PMFBP1: variants seen among roughly 807,000 people sequenced by gnomAD.
The protein encoded by PMFBP1 is polyamine modulated factor 1 binding protein 1.
PMFBP1 carries 131 observed loss-of-function variants against 137.8 expected under a neutral mutation model. That is an observed-to-expected ratio of 0.95 (90% CI 0.82 to 1.10). The LOEUF is 1.10. Among genes scored for constraint, PMFBP1 ranks in the 50% least tolerant of loss-of-function variants. The pLI, the probability that PMFBP1 is intolerant of heterozygous loss-of-function variation, is 0.00. For missense variants in PMFBP1, 1,199 were observed against 1,175.4 expected (o/e 1.02, Z -0.29); for synonymous variants, 490 against 450.4 (o/e 1.09, Z -1.11).
At chr16:72,177,122 CT>C (rs1162609021), upstream of PMFBP1, among the ~76,000 whole-genome samples, 1 of 152,194 alleles carries the variant, frequency 6.6e-6, no homozygotes, top group Non-Finnish European at 1.5e-5. Context: ...CACAGTCCAC[CT>C]AATCTTTGTT....
chr16:72,204,745 A>C, the PMFBP1 span, among the ~76,000 whole-genome samples: 1 of 152,104 alleles, frequency 6.6e-6, no homozygotes, highest in Non-Finnish European at 1.5e-5. Context: ...GGCCCTTCAA[A>C]GAACTCATGC....
At chr16:72,164,946 T>C in intron 2 of PMFBP1, 30 bp from the exon 3 acceptor site, 5 of 1,553,392 alleles carry the variant, frequency 3.2e-6, no homozygotes, top group Non-Finnish European at 4.4e-6. Context: ...AAAGCATCAA[T>C]TATAAACTAT....
At chr16:72,148,257 A>G (rs892277827) in intron 5 of PMFBP1, among the ~76,000 whole-genome samples, 3 of 152,118 alleles carry the variant, frequency 2.0e-5, no homozygotes, top group Admixed American at 1.3e-4. Context: ...ATTCTCAGCA[A>G]AGTAACACAA....
At chr16:72,159,688 C>G (rs2043032839) in intron 3 of PMFBP1, among the ~76,000 whole-genome samples, 1 of 152,054 alleles carries the variant, frequency 6.6e-6, no homozygotes, top group Non-Finnish European at 1.5e-5. Flanking sequence ...CTTCTAAATT[C>G]TAAAGGAATA....
At chr16:72,179,763 C>T (rs1024872121), upstream of PMFBP1, among the ~76,000 whole-genome samples, 1 of 152,136 alleles carries the variant, frequency 6.6e-6, no homozygotes, top group Non-Finnish European at 1.5e-5. Flanking sequence ...ACTGTATGAT[C>T]GTTGCTATGG....
chr16:72,227,516 T>A, the PMFBP1 span, among the ~76,000 whole-genome samples: 5,225 of 152,306 alleles, frequency 0.034, 294 homozygotes, highest in African/African-American at 0.12. Flanking sequence ...ATTGGGATGA[T>A]TCTATATTTT....
intron 3 of PMFBP1, among the ~76,000 whole-genome samples, chr16:72,157,521 C>A (rs955497476): frequency 3.3e-5 from 5 of 152,066 alleles, no homozygotes; most frequent in African/African-American, 4.8e-5. Flanking sequence ...CCAGGGGTTG[C>A]AGCCACTTTT....
intron 20 of PMFBP1, 69 bp downstream of exon 20, chr16:72,119,782 C>T (rs1364933482): frequency 2.0e-5 from 31 of 1,573,670 alleles, no homozygotes; most frequent in Non-Finnish European, 2.4e-5. Context: ...CTTCTTCCTA[C>T]TTGAATTCTC....
chr16:72,160,810 T>G (rs545436317), intron 3 of PMFBP1, among the ~76,000 whole-genome samples: 6 of 152,352 alleles, frequency 3.9e-5, no homozygotes, highest in African/African-American at 1.4e-4. Flanking sequence ...GACCTTTTGA[T>G]ACAGCATGAT....
upstream of PMFBP1, among the ~76,000 whole-genome samples, chr16:72,174,875 G>T (rs2144541962): frequency 6.6e-6 from 1 of 152,276 alleles, no homozygotes; most frequent in South Asian, 2.1e-4. Flanking sequence ...TACAATTCAA[G>T]ATGACACAGC....
the PMFBP1 span, among the ~76,000 whole-genome samples, chr16:72,239,126 T>C: frequency 2.6e-5 from 4 of 152,338 alleles, 1 homozygote. Context: ...TTTTTCCTAA[T>C]AGTACCATTG....
At chr16:72,153,918 TTATACA>T (rs2144431091) in intron 4 of PMFBP1, among the ~76,000 whole-genome samples, 1 of 95,988 alleles carries the variant, frequency 1.0e-5, no homozygotes, top group East Asian at 3.1e-4. Flanking sequence ...GAAGATGGAC[TTATACA>T]CACACACACA....
Position 72,119,331 on chromosome 16 carries a change from G to A in PMFBP1, c.*7C>T. On this transcript the variant is annotated 3_prime_UTR_variant, in exon 21 of 21. Coordinates refer to ENST00000237353, the MANE Select transcript of PMFBP1 (RefSeq NM_031293.3). ...GTGGAAATGCTGCTCAGGGCTAGAT[G>A]TGGATTCTAGCAGTATGAGGAACCT... 1 of 1,613,166 alleles carries A rather than the reference G, an allele frequency of 6.2e-7. No homozygotes were observed. Among genetic ancestry groups the A allele is most frequent in the African/African-American group, 1.3e-5 (1 of 75,042 alleles).
At chr16:72,204,942 C>G in the PMFBP1 span, among the ~76,000 whole-genome samples, 7 of 152,222 alleles carry the variant, frequency 4.6e-5, no homozygotes, top group African/African-American at 1.7e-4. Context: ...TAAATCCAAG[C>G]AGCCACTGTG....
At chr16:72,231,513 T>A in the PMFBP1 span, among the ~76,000 whole-genome samples, 9 of 152,286 alleles carry the variant, frequency 5.9e-5, 1 homozygote, top group East Asian at 5.8e-4. Flanking sequence ...AAAATTGGAA[T>A]AAGGCAAACA....
chr16:72,124,772 T>C lies in PMFBP1; in HGVS notation c.2584A>G (p.Lys862Glu), dbSNP rs1159276619. ...ALKENLLEDDKEPCCLPQWSV... is the reference protein window; with the variant it reads ...ALKENLLEDDEEPCCLPQWSV... ...AGAAGCCAAGGCATGCCCACCTCCTTATCGTCCTCAAGGAGGTTCTCTTTT... is the reference window on the plus strand; with the variant it reads ...AGAAGCCAAGGCATGCCCACCTCCTCATCGTCCTCAAGGAGGTTCTCTTTT... Residue 862 changes from lysine (K) to glutamate (E), a missense_variant, in exon 17 of 21, where the codon AAG becomes GAG. By Grantham distance (56) the Lys-to-Glu change is moderately conservative. Transcript: ENST00000237353. 1 of 1,613,686 alleles carries C rather than the reference T, an allele frequency of 6.2e-7. No individual in the cohort carries two copies. Among genetic ancestry groups the C allele is most frequent in the Non-Finnish European group, 8.5e-7 (1 of 1,179,734 alleles).
rs2043119177 is a variant in PMFBP1 at position 72,164,746 on chromosome 16, T to C, written c.165+18A>G. 4.4e-6 allele frequency: 7 copies of C among 1,575,038 alleles called. No homozygotes were observed. The highest frequency in any genetic ancestry group is 6.1e-6 in the Non-Finnish European group (7 of 1,154,702). On this transcript the variant is annotated intron_variant, in intron 3 of 20. Coordinates refer to ENST00000237353, the MANE Select transcript of PMFBP1 (RefSeq NM_031293.3). Reference sequence around the variant, plus strand: ...AGTCAAGAGAGCAGGGGTGAGCGGCTGCTGCCAAGTCCCTTACGTGGCTGC... The same window carrying C: ...AGTCAAGAGAGCAGGGGTGAGCGGCCGCTGCCAAGTCCCTTACGTGGCTGC...
In PMFBP1 at chr16:72,134,986, G is replaced by A. The variant is rs138841106; in HGVS notation, c.1203+1462C>T. Among the ~76,000 whole-genome samples the A allele has an allele frequency of 2.3e-3, 357 of 152,258 alleles. 2 individuals carry two copies. The highest frequency in any genetic ancestry group is 8.3e-3 in the African/African-American group (343 of 41,546). Reference sequence around the variant, plus strand: ...TTGTGATATTCTTAGTGACTAGGACGGTGCTTGGCATATTTTAGGGCTCAA... The same window carrying A: ...TTGTGATATTCTTAGTGACTAGGACAGTGCTTGGCATATTTTAGGGCTCAA... On this transcript the variant is annotated intron_variant, in intron 9 of 20. Coordinates refer to ENST00000237353, the MANE Select transcript of PMFBP1 (RefSeq NM_031293.3).
At chr16:72,164,291 C>T in intron 3 of PMFBP1, 1 of 734,236 alleles carries the variant, frequency 1.4e-6, no homozygotes, top group Non-Finnish European at 2.0e-6. Context: ...CAGGTTCCTG[C>T]ATCCAGAAGA....
Sources: gnomAD v4.1 joint callset for allele counts (sites outside exome capture counted in the v4.1 genomes callset) on GRCh38, gnomAD v4.1.1 for gene constraint, MANE v1.5 for transcripts, NCBI Gene and HGNC (gene_info 2026-07-23, HGNC 2026-07-21) for gene names.